SASH1: variants seen among roughly 807,000 people sequenced by gnomAD.
The protein encoded by SASH1 is SAM and SH3 domain-containing protein 1.
Under a neutral mutation model 125.2 loss-of-function variants are expected in SASH1, and 44 were observed. The observed-to-expected ratio is 0.35, with a 90% CI of 0.28 to 0.45. The LOEUF is 0.45. Ranked by LOEUF, SASH1 falls within the 20% of genes least tolerant of loss-of-function variation. The probability of loss-of-function intolerance (pLI) is 1.00; values close to 1 mark genes in which losing one functional copy is unlikely to be tolerated. For synonymous variants in SASH1, 639 were observed against 649.1 expected (o/e 0.98, Z 0.24); for missense variants, 1,426 against 1,614.5 (o/e 0.88, Z 2.00).
Position 148,544,206 on chromosome 6 carries a change from G to T in SASH1, c.2736G>T (p.Glu912Asp), listed in dbSNP as rs746649534. The part of the protein sequence containing the change: ...EPQKLTTKKL[E>D]GSIAASGRGL... ...AGAAATTGACAACTAAGAAACTGGA[G>T]GGCTCAATCGCAGCCTCTGGTCGCG... The change falls in exon 18 of 20, where the codon GAG becomes GAT. Residue 912 changes from glutamate to aspartate, a missense_variant. Around this residue, in one of 3 missense-constraint regions of SASH1, gnomAD observed 634 missense variants for 694.4 expected, o/e 0.91. Coordinates refer to ENST00000367467, the MANE Select transcript of SASH1 (RefSeq NM_015278.5). This position sits in a 1 kb window ranked among gnomAD's most constrained non-coding sequence, Gnocchi z 6.4. 1 of 1,614,154 alleles carries T rather than the reference G, an allele frequency of 6.2e-7. No individual in the cohort carries two copies.
intron 1 of SASH1, among the ~76,000 whole-genome samples, chr6:148,387,786 T>G (rs1473145740): frequency 2.0e-5 from 3 of 151,032 alleles, no homozygotes; most frequent in Non-Finnish European, 4.4e-5. Context: ...CTGGCCAGGT[T>G]GGAGAGCAAT....
At chr6:148,398,904 G>A (rs775148013) in intron 2 of SASH1, among the ~76,000 whole-genome samples, 84 of 152,310 alleles carry the variant, frequency 5.5e-4, no homozygotes, top group African/African-American at 6.5e-4. Flanking sequence ...AGTCACATTT[G>A]TAATCAAATG....
intron 1 of SASH1, among the ~76,000 whole-genome samples, chr6:148,337,470 C>T (rs1260757803): frequency 1.3e-5 from 2 of 152,046 alleles, no homozygotes; most frequent in African/African-American, 4.8e-5. Flanking sequence ...GTGATCCGCC[C>T]ACCTCGGCCT....
At position 148,544,890 on chromosome 6, in the gene SASH1, A is replaced by T; in HGVS notation, c.3348+72A>T. On this transcript the variant is annotated intron_variant, in intron 18 of 19. Transcript: ENST00000367467. The surrounding 1 kb of genome is among the most constrained non-coding windows in gnomAD (Gnocchi z 6.4). ...GAAGTCAGGCAGCCAGGTGAGATGA[A>T]CCCACATCTGAAGCCAGCCCGGTAG... The T allele has an allele frequency of 6.9e-7, 1 of 1,444,928 alleles. No individual in the cohort carries two copies. Among genetic ancestry groups the T allele is most frequent in the Non-Finnish European group, 9.2e-7 (1 of 1,086,236 alleles). 89.5% of individuals were successfully genotyped at this position (1,444,928 alleles called of 1,614,324 possible). A position where few individuals can be genotyped will look rare whatever the true frequency, so the allele number is the denominator to read the frequency against.
chr6:148,494,370 G>A (rs1779228193), intron 8 of SASH1, among the ~76,000 whole-genome samples: 1 of 152,186 alleles, frequency 6.6e-6, no homozygotes, highest in South Asian at 2.1e-4. Flanking sequence ...CTGGAATTGT[G>A]TTTCTGTAGC....
chr6:148,342,989 A>G lies in SASH1; in HGVS notation c.-79A>G. 16 of 1,051,724 alleles carry G rather than the reference A, an allele frequency of 1.5e-5. No individual in the cohort carries two copies. The highest frequency in any genetic ancestry group is 1.8e-5 in the Non-Finnish European group (16 of 873,578). 65.1% of individuals were successfully genotyped at this position (1,051,724 alleles called of 1,614,324 possible). ...GTGACGCCGCGGGCGGGGACCCGGC[A>G]TCCGGGCAGGCTGCGCGCGGGTGCG... On this transcript the variant is annotated 5_prime_UTR_variant, in exon 1 of 20. Coordinates refer to ENST00000367467, the MANE Select transcript of SASH1 (RefSeq NM_015278.5).
chr6:148,493,080 G>C (rs891556086), intron 8 of SASH1, among the ~76,000 whole-genome samples: 10 of 152,168 alleles, frequency 6.6e-5, no homozygotes, highest in African/African-American at 2.4e-4. Flanking sequence ...TTTTGGCTGA[G>C]AGGCGTAGGT....
At chr6:148,537,912 G>T (rs1459406485) in intron 16 of SASH1, among the ~76,000 whole-genome samples, 1 of 151,670 alleles carries the variant, frequency 6.6e-6, no homozygotes, top group Non-Finnish European at 1.5e-5. Flanking sequence ...CTCAAATGGG[G>T]TTACAGCCTC....
At chr6:148,222,463 A>G in the SASH1 span, among the ~76,000 whole-genome samples, 3 of 152,170 alleles carry the variant, frequency 2.0e-5, no homozygotes, top group African/African-American at 7.2e-5. Context: ...AGACACCGAG[A>G]TCATTCAATG....
intron 4 of SASH1, among the ~76,000 whole-genome samples, chr6:148,456,616 T>C (rs1320657455): frequency 1.3e-5 from 2 of 152,146 alleles, no homozygotes; most frequent in Non-Finnish European, 2.9e-5. Flanking sequence ...ATCCAAGGAC[T>C]TTGGGAGGCA....
chr6:148,306,745 A>C (rs1246677320), intron 1 of SASH1, among the ~76,000 whole-genome samples: 1 of 152,158 alleles, frequency 6.6e-6, no homozygotes, highest in Non-Finnish European at 1.5e-5. Context: ...TCCCCCTGAG[A>C]AAGAGGCTGT....
At chr6:148,508,691 G>A (rs2115302249) in intron 8 of SASH1, 2 of 1,188,260 alleles carry the variant, frequency 1.7e-6, no homozygotes, top group South Asian at 3.1e-5. Context: ...CGGATACTGA[G>A]CTGTGACGGT....
intron 1 of SASH1, among the ~76,000 whole-genome samples, chr6:148,370,146 G>T (rs1358627765): frequency 6.6e-6 from 1 of 152,128 alleles, no homozygotes; most frequent in African/African-American, 2.4e-5. Flanking sequence ...TCAAGTGAAA[G>T]TGACCTTTCG....
At chr6:148,379,600 C>T (rs1019151905) in intron 1 of SASH1, among the ~76,000 whole-genome samples, 1 of 152,042 alleles carries the variant, frequency 6.6e-6, no homozygotes. Flanking sequence ...GCCATCCATC[C>T]ATCAATCCAT....
chr6:148,503,279 T>C (rs975901162), intron 8 of SASH1, among the ~76,000 whole-genome samples: 1 of 151,928 alleles, frequency 6.6e-6, no homozygotes, highest in Non-Finnish European at 1.5e-5. Context: ...GACACACCCT[T>C]TTACCCGTCA....
chr6:148,449,187 A>G (rs1327535436), intron 4 of SASH1, among the ~76,000 whole-genome samples: 5 of 148,664 alleles, frequency 3.4e-5, no homozygotes, highest in African/African-American at 1.0e-4. Flanking sequence ...CTCCTGCCTC[A>G]GCCTCTCGAG....
chr6:148,386,257 T>G (rs957311952), intron 1 of SASH1, among the ~76,000 whole-genome samples: 2 of 152,204 alleles, frequency 1.3e-5, no homozygotes, highest in Non-Finnish European at 2.9e-5. Context: ...CATCAGAATA[T>G]TCTTAGGATA....
At chr6:148,408,019 G>A (rs939840970) in intron 2 of SASH1, among the ~76,000 whole-genome samples, 2 of 151,866 alleles carry the variant, frequency 1.3e-5, no homozygotes, top group South Asian at 2.1e-4. Context: ...CTAATTTCTC[G>A]TCATCCTTGC....
At chr6:148,400,396 A>C (rs1332850839) in intron 2 of SASH1, among the ~76,000 whole-genome samples, 1 of 152,254 alleles carries the variant, frequency 6.6e-6, no homozygotes, top group Non-Finnish European at 1.5e-5. Flanking sequence ...CACGCAGTCC[A>C]TATTTTAGAC....
Sources: gnomAD v4.1 joint callset for allele counts (sites outside exome capture counted in the v4.1 genomes callset) on GRCh38, gnomAD v4.1.1 for gene constraint, gnomAD v4.1.1 regional missense constraint, Gnocchi (gnomAD v3.1) non-coding constraint, MANE v1.5 for transcripts, NCBI Gene and HGNC (gene_info 2026-07-23, HGNC 2026-07-21) for gene names.